CDC5L: variants seen among roughly 807,000 people sequenced by gnomAD.
The protein encoded by CDC5L is cell division cycle 5-like protein.
A neutral mutation model predicts 104.1 loss-of-function variants in CDC5L; 18 were observed. That is an observed-to-expected ratio of 0.17 (90% confidence interval 0.12 to 0.26). The LOEUF (loss-of-function observed/expected upper bound fraction) is 0.26, where lower values mean the gene tolerates loss of function less well. Among genes scored for constraint, CDC5L ranks in the 10% least tolerant of loss-of-function variants. CDC5L has a pLI of 1.00. For missense variants in CDC5L, 673 were observed against 956.9 expected (o/e 0.70, Z 3.91); for synonymous variants, 331 against 322.7 (o/e 1.03, Z -0.28).
At chr6:44,431,435 G>A (rs563640399) in intron 14 of CDC5L, among the ~76,000 whole-genome samples, 18 of 152,186 alleles carry the variant, frequency 1.2e-4, no homozygotes, top group Non-Finnish European at 2.4e-4. Flanking sequence ...GTAGTTAGCA[G>A]TGTAATTGTG....
rs11571970 is a variant in CDC5L, at chr6:44,418,243, G to A, written c.1093-1206G>A. Among the ~76,000 whole-genome samples the A allele has an allele frequency of 8.5e-3, 1,296 of 152,184 alleles. 26 individuals are homozygous for A. The highest frequency in any genetic ancestry group is 0.033 in the South Asian group (160 of 4,818). On this transcript the variant is annotated intron_variant, in intron 8 of 15. Coordinates refer to ENST00000371477, the MANE Select transcript of CDC5L (RefSeq NM_001253.4). ...TCCCACCTATGAGTGAGAACATGCG[G>A]TGTTTGGTTTTTTTGTCCTTGTGAT... is the stretch of plus-strand genomic sequence containing the variant.
intron 14 of CDC5L, 141 bp from the exon 15 acceptor site, chr6:44,445,514 G>A (rs540252621): frequency 1.6e-6 from 1 of 613,230 alleles, no homozygotes; most frequent in African/African-American, 1.9e-5. Context: ...TTGATATTTT[G>A]TTACAGTAAT....
At chr6:44,411,165 G>A (rs1407924068) in intron 8 of CDC5L, among the ~76,000 whole-genome samples, 2 of 151,780 alleles carry the variant, frequency 1.3e-5, no homozygotes, top group Non-Finnish European at 1.5e-5. Flanking sequence ...TCAAATGTCC[G>A]GTGCTCTTTG....
intron 8 of CDC5L, among the ~76,000 whole-genome samples, chr6:44,418,811 C>T (rs1792019735): frequency 6.7e-6 from 1 of 149,040 alleles, no homozygotes; most frequent in East Asian, 1.9e-4. Context: ...AGTGTCTGTT[C>T]ATATCCTTCG....
intron 14 of CDC5L, among the ~76,000 whole-genome samples, chr6:44,439,706 A>G (rs1166866450): frequency 6.6e-6 from 1 of 152,212 alleles, no homozygotes; most frequent in Non-Finnish European, 1.5e-5. Context: ...GTATCTGGAA[A>G]ATAATAATGG....
chr6:44,438,665 CTTTTTTT>C (rs749816182), intron 14 of CDC5L, among the ~76,000 whole-genome samples: 17 of 106,286 alleles, frequency 1.6e-4, no homozygotes, highest in South Asian at 3.1e-4. Flanking sequence ...GAAGTTTTGT[CTTTTTTT>C]TTTTTTTTTT....
At chr6:44,406,094 G>A (rs1219514916) in intron 6 of CDC5L, among the ~76,000 whole-genome samples, 1 of 151,992 alleles carries the variant, frequency 6.6e-6, no homozygotes, top group Non-Finnish European at 1.5e-5. Context: ...TAGAGATGGG[G>A]TTTCGCCACG....
chr6:44,419,661 T>C (rs1283210798), intron 9 of CDC5L, 64 bp downstream of exon 9: 1 of 1,245,880 alleles, frequency 8.0e-7, no homozygotes, highest in Non-Finnish European at 1.2e-6. Flanking sequence ...GCATATTTGC[T>C]TTAGTAATGT....
intron 14 of CDC5L, 31 bp from the exon 15 acceptor site, chr6:44,445,624 T>G: frequency 6.6e-7 from 1 of 1,514,688 alleles, no homozygotes; most frequent in South Asian, 1.2e-5. Context: ...TTTTCTCATG[T>G]ATGCTGATGT....
rs11572053 is a variant in CDC5L, at chr6:44,446,207, T to C, written c.2304+340T>C. Among the ~76,000 whole-genome samples the C allele has an allele frequency of 6.3e-3, 967 of 152,312 alleles. 15 individuals carry two copies. The highest frequency in any genetic ancestry group is 0.022 in the African/African-American group (902 of 41,576). ...GTGAGGGGAAACTAAACCAGTATCT[T>C]TTTGTTTTATACCTTATGTTGCTGG... On this transcript the variant is annotated intron_variant, in intron 15 of 15. Coordinates refer to ENST00000371477, the MANE Select transcript of CDC5L (RefSeq NM_001253.4).
chr6:44,413,071 C>G (rs1012832435), intron 8 of CDC5L, among the ~76,000 whole-genome samples: 3 of 152,054 alleles, frequency 2.0e-5, no homozygotes, highest in Non-Finnish European at 1.5e-5. Context: ...CGTGAGCCAC[C>G]GCGCCCGGCC....
intron 10 of CDC5L, among the ~76,000 whole-genome samples, chr6:44,423,710 T>A (rs1272233982): frequency 6.6e-6 from 1 of 152,188 alleles, no homozygotes; most frequent in Admixed American, 6.5e-5. Context: ...GGGAAAACTC[T>A]GGGTACCAGG....
At chr6:44,388,156 CGCCCCCCCCG>C (rs1790429998) in intron 1 of CDC5L, among the ~76,000 whole-genome samples, 1 of 18,768 alleles carries the variant, frequency 5.3e-5, no homozygotes, top group Admixed American at 3.1e-4. Context: ...CCCGCCCCCC[CGCCCCCCCCG>C]GCCCCGGGAA....
intron 14 of CDC5L, among the ~76,000 whole-genome samples, chr6:44,432,275 A>G (rs755447146): frequency 1.3e-5 from 2 of 152,148 alleles, no homozygotes; most frequent in African/African-American, 2.4e-5. Context: ...ACATTATTCA[A>G]AGTTTGTTGT....
rs527849233 is a variant in CDC5L, at chr6:44,440,342, A to G, written c.2092-5313A>G. 4.0e-5 allele frequency among the ~76,000 whole-genome samples: 6 copies of G among 151,514 alleles called. No homozygotes were observed. The South Asian group carries it at 8.3e-4, about 21-fold the overall frequency. On this transcript the variant is annotated intron_variant, in intron 14 of 15. Transcript: ENST00000371477. ...TTGCAACCTCCGCCTCCTGGGTGTA[A>G]GTGATTCTCCTGTCTCAGCCTCCCG... is the stretch of plus-strand genomic sequence containing the variant.
chr6:44,441,633 A>AT (rs1436185483), intron 14 of CDC5L, among the ~76,000 whole-genome samples: 1 of 152,038 alleles, frequency 6.6e-6, no homozygotes, highest in Non-Finnish European at 1.5e-5. Flanking sequence ...ACTGTTTTTC[A>AT]TTTTTTTAAA....
intron 7 of CDC5L, among the ~76,000 whole-genome samples, chr6:44,407,751 G>A (rs200797714): frequency 6.6e-6 from 1 of 152,204 alleles, no homozygotes; most frequent in East Asian, 1.9e-4. Flanking sequence ...CACATTGGCT[G>A]CATCAACACA....
intron 4 of CDC5L, among the ~76,000 whole-genome samples, chr6:44,395,674 C>T (rs1790837842): frequency 6.6e-6 from 1 of 152,306 alleles, no homozygotes; most frequent in South Asian, 2.1e-4. Flanking sequence ...AGGGCTTCTC[C>T]TGTATATACT....
In CDC5L at chr6:44,446,642, A is replaced by G. The variant is rs1793467494; in HGVS notation, c.2340A>G (p.Arg780=). ...LKEDVQRQQE[R]EKELQHRYAD... ...AAGACGTTCAGCGACAACAAGAAAG[A>G]GAAAAGGAACTTCAACATAGATATG... The change falls in exon 16 of 16, where the codon AGA becomes AGG. Residue 780 remains arginine, a synonymous_variant. Transcript: ENST00000371477. The G allele has an allele frequency of 7.5e-6, 12 of 1,592,588 alleles. No individual in the cohort carries two copies. The highest frequency in any genetic ancestry group is 1.0e-5 in the Non-Finnish European group (12 of 1,171,274).
Sources: gnomAD v4.1 joint callset for allele counts (sites outside exome capture counted in the v4.1 genomes callset) on GRCh38, gnomAD v4.1.1 for gene constraint, MANE v1.5 for transcripts, NCBI Gene and HGNC (gene_info 2026-07-23, HGNC 2026-07-21) for gene names.